Variants in KLC1 observed in about 807,000 individuals in gnomAD.
The protein encoded by KLC1 is kinesin light chain 1.
KLC1 carries 30 observed loss-of-function variants against 84.2 expected under a neutral mutation model. The observed-to-expected ratio is 0.36, with a 90% confidence interval of 0.27 to 0.48. The LOEUF (loss-of-function observed/expected upper bound fraction) is 0.48, where lower values mean the gene tolerates loss of function less well. Among genes scored for constraint, KLC1 ranks in the 20% least tolerant of loss-of-function variants. The probability of loss-of-function intolerance (pLI) is 0.99; values close to 1 mark genes in which losing one functional copy is unlikely to be tolerated. For missense variants in KLC1, 499 were observed against 805.4 expected, an observed-to-expected ratio of 0.62 and a Z score of 4.60; for synonymous variants, 289 against 293.3, an observed-to-expected ratio of 0.99 and a Z score of 0.15.
intron 15 of KLC1, chr14:103,698,716 G>A (rs929648870): frequency 1.5e-5 from 19 of 1,301,510 alleles, no homozygotes; most frequent in African/African-American, 1.5e-5. Context: ...GCTGTGCCAC[G>A]GCCCAGGCAG....
At chr14:103,630,064 C>A (rs1402503210) in intron 1 of KLC1, among the ~76,000 whole-genome samples, 3 of 152,238 alleles carry the variant, frequency 2.0e-5, no homozygotes, top group African/African-American at 7.2e-5. Context: ...GGGTCCCTCC[C>A]GAGAGCTGGC....
chr14:103,645,762 C>CTTT (rs34476127), intron 1 of KLC1, among the ~76,000 whole-genome samples: 313 of 145,646 alleles, frequency 2.1e-3, no homozygotes, highest in African/African-American at 5.5e-3. Context: ...TGTTACAATC[C>CTTT]TTTTTTTTTT....
intron 3 of KLC1, among the ~76,000 whole-genome samples, chr14:103,658,127 A>G (rs908630583): frequency 6.6e-5 from 10 of 152,158 alleles, no homozygotes; most frequent in Admixed American, 6.5e-4. Context: ...TGCTCTTGGC[A>G]TTGCCATTCT....
chr14:103,699,207 C>T, intron 15 of KLC1: 1 of 1,550,952 alleles, frequency 6.4e-7, no homozygotes, highest in Non-Finnish European at 8.7e-7. Flanking sequence ...AGGTCAGCTG[C>T]AACGGCTGAG....
intron 15 of KLC1, chr14:103,695,654 G>C: frequency 2.0e-6 from 2 of 985,464 alleles, no homozygotes; most frequent in Non-Finnish European, 2.4e-6. Context: ...TGAATATGGA[G>C]TTGAATTTTA....
intron 13 of KLC1, chr14:103,685,424 A>G (rs2081707001): frequency 1.7e-6 from 2 of 1,203,464 alleles, no homozygotes; most frequent in Admixed American, 6.8e-5. Flanking sequence ...GGAATGGACC[A>G]GTCTGGATTC....
Position 103,687,180 on chromosome 14 carries a change from A to G in KLC1, c.1750A>G (p.Ser584Gly), listed in dbSNP as rs561030078. 1 of 1,547,770 alleles carries G rather than the reference A, an allele frequency of 6.5e-7. No homozygotes were observed. The highest frequency in any genetic ancestry group is 8.7e-7 in the Non-Finnish European group (1 of 1,144,458). Residue 584 changes from serine to glycine, a missense_variant, in exon 14 of 17, where the codon AGT becomes GGT. Ser to Gly is a moderately conservative substitution (Grantham distance 56). Transcript: ENST00000334553. ...EKLVRKLKGG[S>G]SRESEPKNPG... ...GCTGGTTAGGAAGCTGAAGGGAGGA[A>G]GTTCACGAGAGAGTGAGCCAAAGAA...
At chr14:103,669,069 C>T (rs1467188354) in intron 5 of KLC1, among the ~76,000 whole-genome samples, 1 of 152,062 alleles carries the variant, frequency 6.6e-6, no homozygotes, top group Non-Finnish European at 1.5e-5. Flanking sequence ...TGAGCCACTG[C>T]ACCCGGCCCT....
intron 14 of KLC1, among the ~76,000 whole-genome samples, chr14:103,691,881 C>T (rs2151852903): frequency 6.6e-6 from 1 of 152,134 alleles, no homozygotes. Context: ...AAGTGATCCT[C>T]CACTTCTGCC....
rs1345413718 is a variant in KLC1, at chr14:103,690,298, G to T, written c.1782-2061G>T. The stretch of plus-strand genomic sequence containing the variant: ...TTGTTCTTGAGTGGTTCTAGGTAGA[G>T]AAAAACCTGTTTGGGACTCCAGCAA... On this transcript the variant is annotated intron_variant, in intron 14 of 16. Transcript: ENST00000334553. Among the ~76,000 whole-genome samples the T allele has an allele frequency of 2.0e-5, 3 of 152,372 alleles. No homozygotes were observed. The East Asian group carries it at 5.8e-4, about 29-fold the overall frequency.
intron 1 of KLC1, among the ~76,000 whole-genome samples, chr14:103,633,943 A>C (rs1195133315): frequency 6.6e-6 from 1 of 152,092 alleles, no homozygotes; most frequent in Non-Finnish European, 1.5e-5. Context: ...ATCTCAGCTC[A>C]CTGCATCCTC....
intron 13 of KLC1, among the ~76,000 whole-genome samples, chr14:103,681,935 G>A (rs1231080560): frequency 6.6e-6 from 1 of 152,182 alleles, no homozygotes; most frequent in Non-Finnish European, 1.5e-5. Context: ...AGTTTCTCAT[G>A]CTGTTTCTGT....
At chr14:103,700,962 GT>G (rs1468594080) in intron 16 of KLC1, among the ~76,000 whole-genome samples, 1 of 152,234 alleles carries the variant, frequency 6.6e-6, no homozygotes, top group Non-Finnish European at 1.5e-5. Context: ...AAGGCTCTGT[GT>G]CCACACCCCT....
chr14:103,686,766 T>G lies in KLC1; in HGVS notation c.1651-315T>G, dbSNP rs181981885. ...AAGCTGCTTTAATTTTCCTGAGACT[T>G]TGTGTGTTGGCTTTTGTCTCAAAAT... is the stretch of plus-strand genomic sequence containing the variant. On this transcript the variant is annotated intron_variant, in intron 13 of 16. Coordinates refer to ENST00000334553, the MANE Select transcript of KLC1 (RefSeq NM_001394837.1). The G allele has an allele frequency of 8.8e-4, 150 of 169,872 alleles. 1 individual carries two copies. The highest frequency in any genetic ancestry group is 2.9e-3 in the African/African-American group (122 of 42,052). The allele number at this position is 169,872 out of a possible 1,614,324, so 10.5% of individuals were successfully genotyped here. A position where few individuals can be genotyped will look rare whatever the true frequency, so the allele number is the denominator to read the frequency against.
chr14:103,640,461 C>T (rs1031904975), intron 1 of KLC1, among the ~76,000 whole-genome samples: 1 of 151,818 alleles, frequency 6.6e-6, no homozygotes, highest in Non-Finnish European at 1.5e-5. Flanking sequence ...CCCGGGTTCA[C>T]GCCATTCTCC....
At chr14:103,653,521 C>T (rs58227725) in intron 1 of KLC1, among the ~76,000 whole-genome samples, 8,100 of 152,216 alleles carry the variant, frequency 0.053, 245 homozygotes, top group South Asian at 0.092. Context: ...AGGGTTTCGC[C>T]GTGTTGGCCG....
intron 1 of KLC1, among the ~76,000 whole-genome samples, chr14:103,636,300 C>T (rs555301063): frequency 1.3e-5 from 2 of 152,226 alleles, no homozygotes; most frequent in East Asian, 3.9e-4. Context: ...CAGCTCACTG[C>T]AACCTCTGCC....
At chr14:103,698,863 A>AG (rs770137120) in intron 15 of KLC1, 3 of 1,606,994 alleles carry the variant, frequency 1.9e-6, no homozygotes, top group African/African-American at 1.3e-5. Flanking sequence ...GAACAGGAGG[A>AG]GGGGGGCAGG....
chr14:103,693,514 C>T lies in KLC1; in HGVS notation c.1848+1089C>T. 2 of 1,535,694 alleles carry T rather than the reference C, an allele frequency of 1.3e-6. No individual in the cohort carries two copies. The highest frequency in any genetic ancestry group is 2.4e-5 in the East Asian group (1 of 40,908). On this transcript the variant is annotated intron_variant, in intron 15 of 16. Transcript: ENST00000334553. This position sits in a 1 kb window ranked among gnomAD's most constrained non-coding sequence, Gnocchi z 5.1. ...TTTGAAGCTGGCATCATTTGAAGTC[C>T]TGGTTAAGTGTAATTTTTCTATTTG...
Sources: gnomAD v4.1 joint callset for allele counts (sites outside exome capture counted in the v4.1 genomes callset) on GRCh38, gnomAD v4.1.1 for gene constraint, Gnocchi (gnomAD v3.1) non-coding constraint, MANE v1.5 for transcripts, NCBI Gene and HGNC (gene_info 2026-07-23, HGNC 2026-07-21) for gene names.